ADD3: variants seen among roughly 807,000 people sequenced by gnomAD.
ADD3 encodes gamma-adducin.
Under a neutral mutation model 80.2 loss-of-function variants are expected in ADD3, and 25 were observed. The ratio of observed to expected loss-of-function variants is 0.31; its 90% CI spans 0.23 to 0.44. ADD3 has a LOEUF of 0.44. ADD3 is among the 20% of genes least tolerant of loss of function. The pLI is 1.00. For missense variants in ADD3, 829 were observed against 847.5 expected, an observed-to-expected ratio of 0.98 and a Z score of 0.27; for synonymous variants, 284 against 289.6, an observed-to-expected ratio of 0.98 and a Z score of 0.20.
At chr10:110,077,630 G>T (rs1476967264) in intron 1 of ADD3, among the ~76,000 whole-genome samples, 2 of 152,088 alleles carry the variant, frequency 1.3e-5, no homozygotes, top group African/African-American at 4.8e-5. Context: ...AGAAGAGTTG[G>T]GGCAGGCTGC....
chr10:110,091,196 C>T (rs1164725461), intron 1 of ADD3, among the ~76,000 whole-genome samples: 1 of 152,126 alleles, frequency 6.6e-6, no homozygotes, highest in Non-Finnish European at 1.5e-5. Flanking sequence ...TTCATCCCCC[C>T]TCCCCCAAAT....
intron 1 of ADD3, among the ~76,000 whole-genome samples, chr10:110,018,723 G>T (rs1853295809): frequency 6.6e-6 from 1 of 152,204 alleles, no homozygotes; most frequent in African/African-American, 2.4e-5. Flanking sequence ...TATAATAGTG[G>T]TTCACAATAT....
At position 110,085,107 on chromosome 10, in the gene ADD3, CAT is replaced by C. The variant is rs759067759; in HGVS notation, c.-29-15516_-29-15515del. 2.9e-3 allele frequency among the ~76,000 whole-genome samples: 443 copies of C among 152,184 alleles called. 2 individuals carry two copies. The highest frequency in any genetic ancestry group is 3.0e-3 in the Non-Finnish European group (201 of 67,994). Reference sequence around the variant, plus strand: ...TTTTTGATATGAATTAGTTTGGTGTCATAAAATATCAATGTATACATACATTT... The same window carrying C: ...TTTTTGATATGAATTAGTTTGGTGTCAAAATATCAATGTATACATACATTT... On this transcript the variant is annotated intron_variant, in intron 1 of 14. Coordinates refer to ENST00000356080, the MANE Select transcript of ADD3 (RefSeq NM_016824.5).
At chr10:110,012,792 T>A (rs531206088) in intron 1 of ADD3, among the ~76,000 whole-genome samples, 59 of 152,024 alleles carry the variant, frequency 3.9e-4, no homozygotes, top group Non-Finnish European at 7.9e-4. Context: ...TTGAGACAGC[T>A]CTCACTATGT....
intron 1 of ADD3, among the ~76,000 whole-genome samples, chr10:110,030,145 G>A (rs1041880947): frequency 9.6e-5 from 14 of 145,604 alleles, no homozygotes; most frequent in African/African-American, 2.2e-4. Flanking sequence ...CCAACATGGA[G>A]AAACCTCATC....
intron 12 of ADD3, among the ~76,000 whole-genome samples, chr10:110,127,145 T>C (rs1166319441): frequency 6.6e-6 from 1 of 152,186 alleles, no homozygotes; most frequent in Non-Finnish European, 1.5e-5. Context: ...TGTTTTTTGT[T>C]TTTTGTTTTT....
rs76920853 is a variant in ADD3 at position 110,071,339 on chromosome 10, A to C, written c.-29-29286A>C. ...AAAGGCTCTTTAGGTTTGCTATAGA[A>C]CATTGTACCTATAATCAACAGTAAT... On this transcript the variant is annotated intron_variant, in intron 1 of 14. Transcript: ENST00000356080. Among the ~76,000 whole-genome samples the C allele has an allele frequency of 5.9e-3, 900 of 152,320 alleles. 11 individuals carry two copies. Among genetic ancestry groups the C allele is most frequent in the African/African-American group, 0.021 (853 of 41,574 alleles).
chr10:110,007,693 G>A (rs938340193), upstream of ADD3, among the ~76,000 whole-genome samples: 3 of 152,298 alleles, frequency 2.0e-5, no homozygotes, highest in African/African-American at 7.2e-5. Context: ...CCCCACCGCT[G>A]CGGCTTCACG....
intron 8 of ADD3, among the ~76,000 whole-genome samples, chr10:110,121,576 A>T (rs1851503999): frequency 6.6e-6 from 1 of 152,220 alleles, no homozygotes; most frequent in Non-Finnish European, 1.5e-5. Flanking sequence ...GGGGAAAAGA[A>T]CAACTAAAAA....
intron 1 of ADD3, among the ~76,000 whole-genome samples, chr10:110,023,322 G>A (rs1295833333): frequency 6.6e-6 from 1 of 152,140 alleles, no homozygotes; most frequent in Non-Finnish European, 1.5e-5. Flanking sequence ...AAGGAAGCTG[G>A]CCTTTACCAG....
chr10:110,053,066 T>C (rs1857712547), intron 1 of ADD3, among the ~76,000 whole-genome samples: 1 of 152,150 alleles, frequency 6.6e-6, no homozygotes, highest in Admixed American at 6.5e-5. Flanking sequence ...AAATAGAGTT[T>C]TACTTTTGTT....
intron 1 of ADD3, among the ~76,000 whole-genome samples, chr10:110,081,594 C>G (rs922381968): frequency 6.6e-6 from 1 of 152,216 alleles, no homozygotes; most frequent in Non-Finnish European, 1.5e-5. Flanking sequence ...ACCAGTTTCT[C>G]ACTAATTGAA....
intron 1 of ADD3, among the ~76,000 whole-genome samples, chr10:109,999,545 G>T (rs1247339826): frequency 6.6e-6 from 1 of 152,114 alleles, no homozygotes; most frequent in African/African-American, 2.4e-5. Flanking sequence ...CAAAATATGT[G>T]CCTGGGCAAA....
intron 1 of ADD3, among the ~76,000 whole-genome samples, chr10:110,032,553 T>G (rs1855168956): frequency 6.6e-6 from 1 of 152,210 alleles, no homozygotes; most frequent in African/African-American, 2.4e-5. Context: ...CATATTGTAT[T>G]TATAATACTA....
chr10:110,126,622 T>G, intron 12 of ADD3, 119 bp downstream of exon 12: 1 of 730,266 alleles, frequency 1.4e-6, no homozygotes, highest in Non-Finnish European at 2.2e-6. Context: ...AAAAGTCAAC[T>G]CACAAGATTT....
intron 1 of ADD3, among the ~76,000 whole-genome samples, chr10:110,078,426 A>C (rs1845630545): frequency 6.6e-6 from 1 of 152,242 alleles, no homozygotes; most frequent in African/African-American, 2.4e-5. Flanking sequence ...TATAAGTGAC[A>C]TGAAAACTAA....
intron 1 of ADD3, among the ~76,000 whole-genome samples, chr10:110,097,442 A>AT (rs1483295058): frequency 2.0e-5 from 3 of 152,190 alleles, no homozygotes; most frequent in African/African-American, 7.2e-5. Context: ...TATATTTTGG[A>AT]TTTTTTGTGC....
intron 1 of ADD3, among the ~76,000 whole-genome samples, chr10:110,016,929 G>C (rs1853072039): frequency 6.6e-6 from 1 of 152,108 alleles, no homozygotes; most frequent in South Asian, 2.1e-4. Context: ...TTGAAAATAT[G>C]AATTGAAAGG....
intron 1 of ADD3, among the ~76,000 whole-genome samples, chr10:110,083,932 A>G (rs959313502): frequency 1.3e-5 from 2 of 152,226 alleles, no homozygotes; most frequent in East Asian, 1.9e-4. Flanking sequence ...AATATTTACC[A>G]AACTCTGGAG....
Sources: gnomAD v4.1 joint callset for allele counts (sites outside exome capture counted in the v4.1 genomes callset) on GRCh38, gnomAD v4.1.1 for gene constraint, MANE v1.5 for transcripts, NCBI Gene and HGNC (gene_info 2026-07-23, HGNC 2026-07-21) for gene names.